LHPP: variants seen among roughly 807,000 people sequenced by gnomAD.
LHPP encodes the protein phospholysine phosphohistidine inorganic pyrophosphate phosphatase.
A neutral mutation model predicts 30.3 loss-of-function variants in LHPP; 24 were observed. That is an observed-to-expected ratio of 0.79 (90% CI 0.57 to 1.11). LHPP has a LOEUF of 1.11. LHPP is among the 50% of genes most tolerant of loss of function. LHPP has a pLI of 0.00. For synonymous variants in LHPP, 150 were observed against 157.1 expected, an observed-to-expected ratio of 0.95 and a Z score of 0.34; for missense variants, 356 against 367.2, an observed-to-expected ratio of 0.97 and a Z score of 0.25.
At chr10:124,462,036 C>T in intron 1 of LHPP, 49 bp downstream of exon 1, 1 of 1,192,686 alleles carries the variant, frequency 8.4e-7, no homozygotes. Context: ...CTAAGCTCAG[C>T]CCGCTCCCTG....
At position 124,494,751 on chromosome 10, in the gene LHPP, C is replaced by G. The variant is rs190136806; in HGVS notation, c.468-2210C>G. Among the ~76,000 whole-genome samples the G allele has an allele frequency of 2.2e-3, 333 of 152,282 alleles. 1 individual carries two copies. Among genetic ancestry groups the G allele is most frequent in the Non-Finnish European group, 2.8e-3 (193 of 68,012 alleles). ...GCCTCCCTGAACCCAGCCTGTCCCC[C>G]GCCCTGTTCAAGCAGACTGCCCCTC... On this transcript the variant is annotated intron_variant, in intron 3 of 6. Coordinates refer to ENST00000368842, the MANE Select transcript of LHPP (RefSeq NM_022126.4).
chr10:124,548,003 G>A (rs1172264141), intron 6 of LHPP, among the ~76,000 whole-genome samples: 1 of 152,240 alleles, frequency 6.6e-6, no homozygotes, highest in Non-Finnish European at 1.5e-5. Context: ...GCCTGGGCCG[G>A]GGTGTGTTTG....
At chr10:124,470,747 A>C (rs1564766898) in intron 1 of LHPP, among the ~76,000 whole-genome samples, 1 of 152,016 alleles carries the variant, frequency 6.6e-6, no homozygotes, top group East Asian at 1.9e-4. Flanking sequence ...TCCAACCCCC[A>C]CACGCGGTGT....
chr10:124,504,410 G>A (rs1256060539), intron 5 of LHPP, among the ~76,000 whole-genome samples: 7 of 134,058 alleles, frequency 5.2e-5, no homozygotes, highest in Non-Finnish European at 6.2e-5. Flanking sequence ...TGGGCAACAC[G>A]GAAAAACCCC....
In LHPP at chr10:124,606,648, G is replaced by A. The variant is rs74968842; in HGVS notation, c.717-6616G>A. 6.3e-3 allele frequency among the ~76,000 whole-genome samples: 958 copies of A among 152,374 alleles called. 9 individuals carry two copies. The highest frequency in any genetic ancestry group is 0.021 in the African/African-American group (858 of 41,592). ...GATGAGGAAACTGAGGCTCGGGCAG[G>A]TGAAGAGACCGGCCCTGGGCCATGC... On this transcript the variant is annotated intron_variant, in intron 6 of 6. Coordinates refer to ENST00000368842, the MANE Select transcript of LHPP (RefSeq NM_022126.4).
At chr10:124,561,278 T>G (rs7918137) in intron 6 of LHPP, among the ~76,000 whole-genome samples, 75,349 of 151,976 alleles carry the variant, frequency 0.5, 19,514 homozygotes, top group Non-Finnish European at 0.58. Flanking sequence ...TCAGCAGGGA[T>G]CCTGGACCAA....
Position 124,613,820 on chromosome 10 carries a change from G to C in LHPP, c.*460G>C, listed in dbSNP as rs1320670697. The C allele has an allele frequency of 5.2e-6, 1 of 193,404 alleles. No individual in the cohort carries two copies. Among genetic ancestry groups the C allele is most frequent in the East Asian group, 1.4e-4 (1 of 7,144 alleles). 12.0% of individuals were successfully genotyped at this position (193,404 alleles called of 1,614,324 possible). A position where few individuals can be genotyped will look rare whatever the true frequency, so the allele number is the denominator to read the frequency against. On this transcript the variant is annotated 3_prime_UTR_variant, in exon 7 of 7. Coordinates refer to ENST00000368842, the MANE Select transcript of LHPP (RefSeq NM_022126.4). ...AGTGAAGAGCCTGGAAGAAACCCAG[G>C]GGCCTCCTATGCACAGATCTTGCAG...
Position 124,484,224 on chromosome 10 carries a change from CT to C in LHPP, c.212del (p.Leu71ArgfsTer10), listed in dbSNP as rs1165833298. ...RAELVGQLQRLGFDISEQEVT... is the reference protein window; with the variant it reads ...RAELVGQLQRXGFDISEQEVT... ...AGAGCTGGTGGGGCAGCTTCAGAGGCTGGGATTTGACATCTCTGAGCAGGAG... is the reference window on the plus strand; with the variant it reads ...AGAGCTGGTGGGGCAGCTTCAGAGGCGGGATTTGACATCTCTGAGCAGGAG... On this transcript the variant is annotated frameshift_variant, in exon 2 of 7. Transcript: ENST00000368842. LOFTEE classifies it high-confidence loss of function. The C allele has an allele frequency of 6.2e-7, 1 of 1,614,060 alleles. No individual in the cohort carries two copies. The highest frequency in any genetic ancestry group is 8.5e-7 in the Non-Finnish European group (1 of 1,179,992).
chr10:124,536,451 C>T (rs903422251), intron 6 of LHPP, among the ~76,000 whole-genome samples: 6 of 152,206 alleles, frequency 3.9e-5, no homozygotes, highest in Admixed American at 1.3e-4. Flanking sequence ...GCCATTGTTC[C>T]GGCCCCTCTC....
chr10:124,512,041 C>T (rs1465315166), intron 5 of LHPP, among the ~76,000 whole-genome samples: 1 of 152,178 alleles, frequency 6.6e-6, no homozygotes, highest in Non-Finnish European at 1.5e-5. Flanking sequence ...TCAGGCCTCA[C>T]AGCCTCCTGT....
intron 6 of LHPP, among the ~76,000 whole-genome samples, chr10:124,556,275 G>A (rs896531797): frequency 3.9e-5 from 6 of 152,194 alleles, no homozygotes; most frequent in African/African-American, 1.2e-4. Flanking sequence ...CACAGGTGAG[G>A]TCAGGAGCAC....
At chr10:124,582,284 A>G (rs1210680476) in intron 6 of LHPP, among the ~76,000 whole-genome samples, 1 of 151,998 alleles carries the variant, frequency 6.6e-6, no homozygotes, top group African/African-American at 2.4e-5. Context: ...GGATCTTGCT[A>G]TGTTGCTCAA....
At chr10:124,572,834 G>A (rs1948607781) in intron 6 of LHPP, among the ~76,000 whole-genome samples, 2 of 152,198 alleles carry the variant, frequency 1.3e-5, no homozygotes, top group African/African-American at 4.8e-5. Flanking sequence ...AGAGGTCATC[G>A]CTGCTGCTCC....
intron 1 of LHPP, among the ~76,000 whole-genome samples, chr10:124,472,448 T>C (rs1589758894): frequency 6.6e-6 from 1 of 152,210 alleles, no homozygotes; most frequent in East Asian, 1.9e-4. Flanking sequence ...TTCAGACTGT[T>C]AGACAGCTAT....
chr10:124,476,085 G>A (rs1004895151), intron 1 of LHPP, among the ~76,000 whole-genome samples: 19 of 152,122 alleles, frequency 1.2e-4, no homozygotes, highest in Admixed American at 4.6e-4. Flanking sequence ...GTGAGGAGGC[G>A]CAGGTACGGG....
chr10:124,497,102 G>T, intron 4 of LHPP, 78 bp downstream of exon 4: 2 of 1,160,858 alleles, frequency 1.7e-6, no homozygotes, highest in Non-Finnish European at 2.5e-6. Flanking sequence ...GTTGAGAAGA[G>T]GCTGTGCTTA....
rs748313051 is a variant in LHPP at position 124,541,808 on chromosome 10, G to A, written c.716+24537G>A. Among the ~76,000 whole-genome samples the A allele has an allele frequency of 1.1e-4, 16 of 152,158 alleles. No homozygotes were observed. Among genetic ancestry groups the A allele is most frequent in the Admixed American group, 1.3e-4 (2 of 15,292 alleles). ...TTGCAATGTTGGAGACCAGAGTGGA[G>A]TGGGCTGGGCGGGCCAGGCCCCGGC... On this transcript the variant is annotated intron_variant, in intron 6 of 6. Transcript: ENST00000368842. The surrounding 1 kb of genome is among the most constrained non-coding windows in gnomAD (Gnocchi z 4.2).
intron 6 of LHPP, among the ~76,000 whole-genome samples, chr10:124,609,150 TAC>T (rs1467124436): frequency 1.3e-5 from 2 of 152,336 alleles, no homozygotes; most frequent in African/African-American, 2.4e-5. Context: ...TCTTGCATAT[TAC>T]TCTCTTCTTT....
At chr10:124,580,704 ATTTTCTTTTTTT>A (rs889293415) in intron 6 of LHPP, among the ~76,000 whole-genome samples, 12 of 134,106 alleles carry the variant, frequency 8.9e-5, no homozygotes, top group African/African-American at 1.2e-4. Context: ...ATTTTAGAAC[ATTTTCTTTTTTT>A]TTTTCTTTTT....
Sources: gnomAD v4.1 joint callset for allele counts (sites outside exome capture counted in the v4.1 genomes callset) on GRCh38, gnomAD v4.1.1 for gene constraint, Gnocchi (gnomAD v3.1) non-coding constraint, MANE v1.5 for transcripts, NCBI Gene and HGNC (gene_info 2026-07-23, HGNC 2026-07-21) for gene names.